The following GALNT13 variants were observed in gnomAD, a reference collection of about 807,000 sequenced individuals.
GALNT13 encodes the protein polypeptide N-acetylgalactosaminyltransferase 13, also known as UDP-GalNAc:polypeptide N-acetylgalactosaminyltransferase 13.
GALNT13 carries 28 observed loss-of-function variants against 64.2 expected under a neutral mutation model. That is an observed-to-expected ratio of 0.44 (90% confidence interval 0.32 to 0.60). The LOEUF (loss-of-function observed/expected upper bound fraction) is 0.60. Among genes scored for constraint, GALNT13 ranks in the 20% least tolerant of loss-of-function variants. GALNT13 has a pLI of 0.05. For missense variants in GALNT13, 577 were observed against 669.8 expected, an observed-to-expected ratio of 0.86 and a Z score of 1.53; for synonymous variants, 214 against 224.6, an observed-to-expected ratio of 0.95 and a Z score of 0.42.
the GALNT13 span, among the ~76,000 whole-genome samples, chr2:153,353,946 A>G: frequency 2.6e-5 from 4 of 152,132 alleles, no homozygotes; most frequent in African/African-American, 9.7e-5. Context: ...TTCAGCTTAT[A>G]ATTTCTGGAA....
the GALNT13 span, among the ~76,000 whole-genome samples, chr2:153,261,973 G>C: frequency 6.6e-6 from 1 of 152,128 alleles, no homozygotes; most frequent in Non-Finnish European, 1.5e-5. Context: ...CTCCCCTTTG[G>C]CTTAGGGACT....
At chr2:153,121,770 G>A in the GALNT13 span, among the ~76,000 whole-genome samples, 1 of 152,098 alleles carries the variant, frequency 6.6e-6, no homozygotes, top group Non-Finnish European at 1.5e-5. Context: ...CTGACCTCAG[G>A]TGATCCACCT....
At chr2:153,715,961 G>T in the GALNT13 span, among the ~76,000 whole-genome samples, 1 of 151,956 alleles carries the variant, frequency 6.6e-6, no homozygotes, top group East Asian at 1.9e-4. Context: ...CTGGGTTAAG[G>T]ATTTTGGGAT....
At chr2:154,106,103 T>G (rs2105475327) in intron 3 of GALNT13, among the ~76,000 whole-genome samples, 1 of 152,278 alleles carries the variant, frequency 6.6e-6, no homozygotes, top group Non-Finnish European at 1.5e-5. Context: ...CAGATATAGG[T>G]TTTGCAGTTA....
chr2:154,320,818 G>T (rs945697355), intron 9 of GALNT13, among the ~76,000 whole-genome samples: 1 of 152,078 alleles, frequency 6.6e-6, no homozygotes, highest in African/African-American at 2.4e-5. Flanking sequence ...ATCTTTCTCT[G>T]TATAAACCTA....
intron 3 of GALNT13, among the ~76,000 whole-genome samples, chr2:153,962,348 G>T (rs992039984): frequency 1.3e-5 from 2 of 152,192 alleles, no homozygotes; most frequent in African/African-American, 4.8e-5. Context: ...GTATCATGTG[G>T]AGTATGTGGA....
At chr2:154,001,535 A>C (rs1695909800) in intron 3 of GALNT13, among the ~76,000 whole-genome samples, 1 of 152,022 alleles carries the variant, frequency 6.6e-6, no homozygotes, top group Admixed American at 6.6e-5. Context: ...TGCAAAGAGA[A>C]GAAACTGAAA....
the GALNT13 span, among the ~76,000 whole-genome samples, chr2:153,722,905 A>G: frequency 6.6e-6 from 1 of 151,448 alleles, no homozygotes; most frequent in Admixed American, 6.6e-5. Flanking sequence ...TTCCTTCTGA[A>G]ACTATTCCAA....
the GALNT13 span, among the ~76,000 whole-genome samples, chr2:153,673,742 A>C: frequency 6.6e-6 from 1 of 152,348 alleles, no homozygotes; most frequent in South Asian, 2.1e-4. Flanking sequence ...AAGGTTATTC[A>C]GTTAGGAAAA....
the GALNT13 span, among the ~76,000 whole-genome samples, chr2:153,673,165 T>A: frequency 6.6e-6 from 1 of 152,058 alleles, no homozygotes; most frequent in Non-Finnish European, 1.5e-5. Context: ...CTGAAACTAT[T>A]CCAATGAATA....
At chr2:153,631,060 G>A in the GALNT13 span, among the ~76,000 whole-genome samples, 1 of 151,510 alleles carries the variant, frequency 6.6e-6, no homozygotes, top group Admixed American at 6.6e-5. Context: ...AATATGCAGT[G>A]TTTGGTTTTC....
chr2:153,329,650 T>C, the GALNT13 span, among the ~76,000 whole-genome samples: 5 of 152,244 alleles, frequency 3.3e-5, no homozygotes, highest in Non-Finnish European at 7.3e-5. Context: ...TTCAATTGTT[T>C]AATATCCTTA....
At chr2:153,227,456 A>G in the GALNT13 span, among the ~76,000 whole-genome samples, 1 of 152,158 alleles carries the variant, frequency 6.6e-6, no homozygotes, top group African/African-American at 2.4e-5. Flanking sequence ...AGGAACCAGT[A>G]GGTTTAGATG....
intron 8 of GALNT13, among the ~76,000 whole-genome samples, chr2:154,265,204 A>G (rs1314582750): frequency 6.6e-6 from 1 of 152,028 alleles, no homozygotes; most frequent in African/African-American, 2.4e-5. Context: ...CTTAGATAAA[A>G]TGGACAACTT....
the GALNT13 span, among the ~76,000 whole-genome samples, chr2:153,818,574 C>T: frequency 2.0e-5 from 3 of 152,186 alleles, no homozygotes; most frequent in African/African-American, 4.8e-5. Flanking sequence ...GTGACTCTGC[C>T]CCTGCCGGAA....
chr2:153,873,176 A>T (rs1328213476), intron 1 of GALNT13, among the ~76,000 whole-genome samples: 1 of 152,142 alleles, frequency 6.6e-6, no homozygotes, highest in East Asian at 1.9e-4. Context: ...TCTAATGGGT[A>T]TCTCCAGGTG....
the GALNT13 span, among the ~76,000 whole-genome samples, chr2:153,469,576 A>C: frequency 2.0e-5 from 3 of 152,134 alleles, no homozygotes; most frequent in Non-Finnish European, 4.4e-5. Context: ...TGAGAAAGCT[A>C]AGCCAACTCT....
intron 4 of GALNT13, among the ~76,000 whole-genome samples, chr2:154,217,352 A>G (rs775627661): frequency 6.6e-6 from 1 of 152,180 alleles, no homozygotes; most frequent in Non-Finnish European, 1.5e-5. Flanking sequence ...GGAGGGGACT[A>G]CATCTGGCCA....
chr2:153,512,849 A>G, the GALNT13 span, among the ~76,000 whole-genome samples: 886 of 152,322 alleles, frequency 5.8e-3, 5 homozygotes, highest in Non-Finnish European at 0.01. Context: ...AAGAATGAGT[A>G]AAACTGTTTT....
Sources: allele counts gnomAD v4.1 joint callset (sites outside exome capture counted in the v4.1 genomes callset), GRCh38; gene constraint gnomAD v4.1.1; transcripts MANE v1.5; gene names NCBI Gene and HGNC (gene_info 2026-07-23, HGNC 2026-07-21).